Variants in MARK2 observed in about 807,000 individuals in gnomAD.
The protein encoded by MARK2 is serine/threonine-protein kinase MARK2.
In MARK2, 16 loss-of-function variants were observed where a neutral mutation model predicts 89.8. The observed-to-expected ratio is 0.18, with a 90% confidence interval of 0.12 to 0.27. MARK2 has a LOEUF of 0.27. Ranked by LOEUF, MARK2 falls within the 10% of genes least tolerant of loss-of-function variation. The pLI, the probability that MARK2 is intolerant of heterozygous loss-of-function variation, is 1.00. For missense variants in MARK2, 621 were observed against 1,049.9 expected (o/e 0.59, Z 5.65); for synonymous variants, 382 against 399.5 (o/e 0.96, Z 0.52).
At chr11:63,839,678 C>A in intron 1 of MARK2, 118 bp downstream of exon 1, 2 of 695,916 alleles carry the variant, frequency 2.9e-6, no homozygotes, top group South Asian at 1.7e-5. Flanking sequence ...CTCGGCTGCC[C>A]TGTCATCCGG....
At chr11:63,861,652 G>A (rs1288016214) in intron 1 of MARK2, among the ~76,000 whole-genome samples, 1 of 151,826 alleles carries the variant, frequency 6.6e-6, no homozygotes, top group African/African-American at 2.4e-5. Flanking sequence ...TGTATCTTTA[G>A]CTACAGACAG....
intron 7 of MARK2, 125 bp downstream of exon 7, chr11:63,899,233 TTTTCTTTC>T: frequency 1.5e-6 from 1 of 681,306 alleles, no homozygotes; most frequent in Admixed American, 2.4e-5. Flanking sequence ...GCCTTTCTTT[TTTTCTTTC>T]TTTCTTTCTT....
Position 63,902,568 on chromosome 11 carries a change from G to GCCTT in MARK2, c.1235-32_1235-29dup, listed in dbSNP as rs1432797037. The GCCTT allele has an allele frequency of 1.9e-6, 3 of 1,599,032 alleles. No homozygotes were observed. The South Asian group carries it at 3.4e-5, about 18-fold the overall frequency. On this transcript the variant is annotated intron_variant, in intron 12 of 18. Transcript: ENST00000402010. The surrounding 1 kb of genome is among the most constrained non-coding windows in gnomAD (Gnocchi z 4.2). ...GGGCTGGCACTCAGTGGACCCCTTG[G>GCCTT]CCTTACCCATTCCCATCCTCCCTCT...
chr11:63,854,193 T>TGTGG (rs2016722871), intron 1 of MARK2, among the ~76,000 whole-genome samples: 1 of 26,630 alleles, frequency 3.8e-5, no homozygotes, highest in Non-Finnish European at 1.1e-4. Flanking sequence ...ATTCTGTGTG[T>TGTGG]GTGTGTGTGT....
At chr11:63,888,036 G>T (rs1939507865) in intron 1 of MARK2, among the ~76,000 whole-genome samples, 1 of 152,206 alleles carries the variant, frequency 6.6e-6, no homozygotes. Flanking sequence ...TGCTCTATCA[G>T]TGATAAAGGC....
At position 63,902,428 on chromosome 11, in the gene MARK2, G is replaced by T. The variant is rs1433160876; in HGVS notation, c.1234+98G>T. ...GGTAACACAACTAAGTTTCAGTCCT[G>T]GTTCAGCCACTTATTAGTAGTGTGG... On this transcript the variant is annotated intron_variant, in intron 12 of 18. Coordinates refer to ENST00000402010, the MANE Select transcript of MARK2 (RefSeq NM_001039469.3). This position sits in a 1 kb window ranked among gnomAD's most constrained non-coding sequence, Gnocchi z 4.2. 2 of 1,528,272 alleles carry T rather than the reference G, an allele frequency of 1.3e-6. No homozygotes were observed. Among genetic ancestry groups the T allele is most frequent in the East Asian group, 2.3e-5 (1 of 44,162 alleles). 94.7% of individuals were successfully genotyped at this position (1,528,272 alleles called of 1,614,324 possible).
At chr11:63,864,138 TAG>T in intron 1 of MARK2, among the ~76,000 whole-genome samples, 1 of 151,630 alleles carries the variant, frequency 6.6e-6, no homozygotes, top group African/African-American at 2.4e-5. Flanking sequence ...GTATTTTTAG[TAG>T]AGACAGGGTT....
intron 1 of MARK2, among the ~76,000 whole-genome samples, chr11:63,870,710 C>T (rs1344607761): frequency 6.6e-6 from 1 of 152,132 alleles, no homozygotes; most frequent in Non-Finnish European, 1.5e-5. Flanking sequence ...CAGGAAGGCC[C>T]GAGCTGGGAA....
Position 63,895,496 on chromosome 11 carries a change from A to G in MARK2, c.235-84A>G. On this transcript the variant is annotated intron_variant, in intron 2 of 18. Coordinates refer to ENST00000402010, the MANE Select transcript of MARK2 (RefSeq NM_001039469.3). ...AAAAGCTGTGGGATGAAAAGGAGTAAGAAATATAAAGGAGGAAGTAGATTG... is the reference window on the plus strand; with the variant it reads ...AAAAGCTGTGGGATGAAAAGGAGTAGGAAATATAAAGGAGGAAGTAGATTG... The G allele has an allele frequency of 2.8e-6, 4 of 1,453,718 alleles. No homozygotes were observed. In the South Asian group the frequency reaches 3.4e-5, roughly 12 times the overall value. The allele number at this position is 1,453,718 out of a possible 1,614,324, so 90.1% of individuals were successfully genotyped here. A position where few individuals can be genotyped will look rare whatever the true frequency, so the allele number is the denominator to read the frequency against.
At position 63,909,466 on chromosome 11, in the gene MARK2, C is replaced by A. The variant is rs1941611178; in HGVS notation, c.*229C>A. 2.3e-6 allele frequency: 1 copy of A among 434,118 alleles called. No individual in the cohort carries two copies. The allele number at this position is 434,118 out of a possible 1,614,324, so 26.9% of individuals were successfully genotyped here. On this transcript the variant is annotated 3_prime_UTR_variant, in exon 19 of 19. Coordinates refer to ENST00000402010, the MANE Select transcript of MARK2 (RefSeq NM_001039469.3). ...GCCCAGAGATTCCCCCTTCTCCTCT[C>A]CCCTACTGGAGGCAAAGGAAGGGGA...
Position 63,842,075 on chromosome 11 carries a change from T to G in MARK2, c.54+2515T>G, listed in dbSNP as rs555152307. On this transcript the variant is annotated intron_variant, in intron 1 of 18. Coordinates refer to ENST00000402010, the MANE Select transcript of MARK2 (RefSeq NM_001039469.3). ...TATTTCTACTCTTTATGGACTTAGA[T>G]TCTCCTTAGCCCCTTCATACCTTCT... 5.3e-5 allele frequency among the ~76,000 whole-genome samples: 8 copies of G among 152,332 alleles called. No homozygotes were observed. The South Asian group carries it at 1.7e-3, about 32-fold the overall frequency.
In MARK2 at chr11:63,839,361, C is replaced by T. The variant is rs1325103451; in HGVS notation, c.-146C>T. The T allele has an allele frequency of 3.6e-6, 2 of 553,692 alleles. No individual in the cohort carries two copies. Among genetic ancestry groups the T allele is most frequent in the Non-Finnish European group, 6.2e-6 (2 of 321,432 alleles). The allele number at this position is 553,692 out of a possible 1,614,324, so 34.3% of individuals were successfully genotyped here. The stretch of plus-strand genomic sequence containing the variant: ...CGGCGCATCCCCGGGCTGGCGTGAG[C>T]GGCTGCCCGGCCTCCCCGCACCCCC... On this transcript the variant is annotated 5_prime_UTR_variant, in exon 1 of 19. Transcript: ENST00000402010.
chr11:63,871,091 G>T (rs1938418459), intron 1 of MARK2, among the ~76,000 whole-genome samples: 1 of 152,078 alleles, frequency 6.6e-6, no homozygotes, highest in African/African-American at 2.4e-5. Flanking sequence ...CATAAAATCA[G>T]TTATGTTTGT....
At chr11:63,888,250 G>T (rs1939522040) in intron 1 of MARK2, among the ~76,000 whole-genome samples, 1 of 152,142 alleles carries the variant, frequency 6.6e-6, no homozygotes, top group Non-Finnish European at 1.5e-5. Flanking sequence ...TTCTTGAGGG[G>T]GTGGTTTGCT....
intron 1 of MARK2, among the ~76,000 whole-genome samples, chr11:63,844,461 G>A (rs145096141): frequency 0.031 from 4,649 of 152,250 alleles, 106 homozygotes; most frequent in Non-Finnish European, 0.047. Flanking sequence ...TTCAGCCTGG[G>A]TGACAGAGCA....
At position 63,902,425 on chromosome 11, in the gene MARK2, C is replaced by A; in HGVS notation, c.1234+95C>A. On this transcript the variant is annotated intron_variant, in intron 12 of 18. Transcript: ENST00000402010. The surrounding 1 kb of genome is among the most constrained non-coding windows in gnomAD (Gnocchi z 4.2). ...TTGGGTAACACAACTAAGTTTCAGT[C>A]CTGGTTCAGCCACTTATTAGTAGTG... The A allele has an allele frequency of 6.5e-7, 1 of 1,527,242 alleles. No homozygotes were observed. The allele number at this position is 1,527,242 out of a possible 1,614,324, so 94.6% of individuals were successfully genotyped here.
intron 1 of MARK2, among the ~76,000 whole-genome samples, chr11:63,884,927 C>T (rs751422057): frequency 1.2e-4 from 19 of 152,190 alleles, no homozygotes; most frequent in Non-Finnish European, 2.4e-4. Context: ...TATGGCCATG[C>T]GCAGTGGCTC....
rs754439000 is a variant in MARK2, at chr11:63,895,154, C to T, written c.55-5C>T. 43 of 1,610,514 alleles carry T rather than the reference C, an allele frequency of 2.7e-5. No individual in the cohort carries two copies. The Admixed American group carries it at 4.4e-4, about 16-fold the overall frequency. On this transcript the variant is annotated splice_polypyrimidine_tract_variant and splice_region_variant and intron_variant, in intron 1 of 18. Transcript: ENST00000402010. ...TGTAATGGTATCTCTGTTTCCACCC[C>T]GCAGCCCACCTTGGGACACCTTGAC...
At chr11:63,872,035 A>C (rs1159294244) in intron 1 of MARK2, among the ~76,000 whole-genome samples, 1 of 152,244 alleles carries the variant, frequency 6.6e-6, no homozygotes, top group African/African-American at 2.4e-5. Flanking sequence ...GGAATGACTC[A>C]GAGAACACTC....
Sources: gnomAD v4.1 joint callset for allele counts (sites outside exome capture counted in the v4.1 genomes callset) on GRCh38, gnomAD v4.1.1 for gene constraint, Gnocchi (gnomAD v3.1) non-coding constraint, MANE v1.5 for transcripts, NCBI Gene and HGNC (gene_info 2026-07-23, HGNC 2026-07-21) for gene names.